Variants in COBLL1 observed in about 807,000 individuals in gnomAD.
The protein encoded by COBLL1 is cordon-bleu WH2 repeat protein like 1.
In COBLL1, 50 loss-of-function variants were observed where a neutral mutation model predicts 94.8. The observed-to-expected ratio is 0.53, with a 90% CI of 0.42 to 0.67. The LOEUF is 0.67. Among genes scored for constraint, COBLL1 ranks in the 30% least tolerant of loss-of-function variants. The pLI is 0.00. For missense variants in COBLL1, 1,362 were observed against 1,348.7 expected, an observed-to-expected ratio of 1.01 and a Z score of -0.15; for synonymous variants, 448 against 473.8, an observed-to-expected ratio of 0.95 and a Z score of 0.71.
chr2:164,711,728 T>C (rs1201199334), intron 7 of COBLL1, among the ~76,000 whole-genome samples: 2 of 152,202 alleles, frequency 1.3e-5, no homozygotes, highest in Non-Finnish European at 2.9e-5. Flanking sequence ...CCAACAAACA[T>C]TTACTTTGTT....
chr2:164,664,002 G>A (rs561689672), intron 2 of COBLL1, among the ~76,000 whole-genome samples: 250 of 152,278 alleles, frequency 1.6e-3, no homozygotes, highest in Non-Finnish European at 1.7e-3. Flanking sequence ...TTACTAAAAT[G>A]TATAATCTTA....
In COBLL1 at chr2:164,841,521, G is replaced by A. The variant is rs1375375034; in HGVS notation, c.-51+189C>T. The A allele has an allele frequency of 1.0e-6, 1 of 975,900 alleles. No individual in the cohort carries two copies. Among genetic ancestry groups the A allele is most frequent in the South Asian group, 5.0e-5 (1 of 20,020 alleles). The allele number at this position is 975,900 out of a possible 1,614,324, so 60.5% of individuals were successfully genotyped here. A position where few individuals can be genotyped will look rare whatever the true frequency, so the allele number is the denominator to read the frequency against. ...CTGGGTAGCCATTTGGCGCCTCTCG[G>A]AGGGAGAGGAGCCGCCGGGGCTGGA... On this transcript the variant is annotated intron_variant, in intron 1 of 13. Transcript: ENST00000652658. This position sits in a 1 kb window ranked among gnomAD's most constrained non-coding sequence, Gnocchi z 5.5.
At chr2:164,703,515 T>C in intron 9 of COBLL1, 1 of 403,804 alleles carries the variant, frequency 2.5e-6, no homozygotes, top group Non-Finnish European at 4.7e-6. Context: ...TTTATATTAT[T>C]CTGAGTAAAA....
At chr2:164,707,161 T>G (rs1684645772) in intron 7 of COBLL1, among the ~76,000 whole-genome samples, 1 of 152,018 alleles carries the variant, frequency 6.6e-6, no homozygotes, top group Non-Finnish European at 1.5e-5. Flanking sequence ...TTTTTTTTTT[T>G]GAAACAGAGT....
In COBLL1 at chr2:164,694,807, G is replaced by T. The variant is rs868349443; in HGVS notation, c.2585C>A (p.Ala862Asp). ...CTGCAAAAAAAAAGAGCTGGGTTTG[G>T]CCTGGGCATTTGAAGCCCGAGATTT... ...KFKSRASNAQ[A>D]KPSSFFLQMQ... is the part of the protein sequence containing the mutation. Residue 862 changes from alanine to aspartate, a missense_variant, in exon 12 of 14, where the codon GCC becomes GAC. Transcript: ENST00000652658. The T allele has an allele frequency of 1.2e-6, 2 of 1,613,810 alleles. No homozygotes were observed. The highest frequency in any genetic ancestry group is 3.3e-5 in the Admixed American group (2 of 59,930).
chr2:164,819,586 G>A (rs1227746951), intron 2 of COBLL1, among the ~76,000 whole-genome samples: 1 of 152,048 alleles, frequency 6.6e-6, no homozygotes, highest in Non-Finnish European at 1.5e-5. Flanking sequence ...AGAGATGTCA[G>A]GAAATGTGCC....
At position 164,694,954 on chromosome 2, in the gene COBLL1, C is replaced by T. The variant is rs370445667; in HGVS notation, c.2438G>A (p.Ser813Asn). Reference protein sequence around the residue: ...RTEHQVPSSVSSPDDAMVSPL... With the variant: ...RTEHQVPSSVNSPDDAMVSPL... Reference sequence around the variant, plus strand: ...ACTAACCATGGCATCATCAGGTGAGCTCACAGAACTGGGCACTTGATGCTC... The same window carrying T: ...ACTAACCATGGCATCATCAGGTGAGTTCACAGAACTGGGCACTTGATGCTC... The change falls in exon 12 of 14, where the codon AGC becomes AAC. Residue 813 changes from serine to asparagine, a missense_variant. By Grantham distance (46) the Ser-to-Asn change is conservative. Transcript: ENST00000652658. 6.2e-7 allele frequency: 1 copy of T among 1,613,864 alleles called. No homozygotes were observed. Among genetic ancestry groups the T allele is most frequent in the Admixed American group, 1.7e-5 (1 of 59,972 alleles).
intron 5 of COBLL1, chr2:164,722,931 AAAC>A (rs1428274409): frequency 1.3e-5 from 2 of 152,850 alleles, no homozygotes; most frequent in African/African-American, 4.8e-5. Flanking sequence ...TCTCACAGCT[AAAC>A]AACTATGAAA....
At chr2:164,816,646 T>C (rs1167540249) in intron 2 of COBLL1, among the ~76,000 whole-genome samples, 3 of 152,190 alleles carry the variant, frequency 2.0e-5, no homozygotes, top group Non-Finnish European at 4.4e-5. Flanking sequence ...AATATAAAAA[T>C]ATATATCTTT....
chr2:164,771,568 G>C (rs2105250873), intron 2 of COBLL1, among the ~76,000 whole-genome samples: 1 of 152,072 alleles, frequency 6.6e-6, no homozygotes, highest in Non-Finnish European at 1.5e-5. Flanking sequence ...TATGACTTGG[G>C]AGTTTCATGA....
At chr2:164,768,979 G>A (rs1688069013) in intron 2 of COBLL1, among the ~76,000 whole-genome samples, 1 of 152,266 alleles carries the variant, frequency 6.6e-6, no homozygotes, top group Middle Eastern at 3.4e-3. Context: ...AGATTAGCAA[G>A]TTCATATTAG....
chr2:164,783,836 C>A (rs1243584825), intron 2 of COBLL1, among the ~76,000 whole-genome samples: 7 of 152,060 alleles, frequency 4.6e-5, no homozygotes, highest in Non-Finnish European at 5.9e-5. Context: ...CATGGTGGTG[C>A]ATGCCTGTGG....
At chr2:164,776,244 C>T (rs901150915) in intron 2 of COBLL1, among the ~76,000 whole-genome samples, 26 of 152,096 alleles carry the variant, frequency 1.7e-4, no homozygotes, top group Non-Finnish European at 2.1e-4. Context: ...ATCTTCCAAA[C>T]GCTTCCCATG....
At position 164,730,020 on chromosome 2, in the gene COBLL1, T is replaced by C. The variant is rs1184502035; in HGVS notation, c.326A>G (p.His109Arg). The part of the protein sequence containing the change: ...TIDLLSAEQN[H>R]IKFKPNTPIG... ...TGGTGTGTTTGGCTTAAATTTAATG[T>C]GGTTCTGTTCAGCTGACAACAGATC... is the stretch of plus-strand genomic sequence containing the variant. Residue 109 changes from histidine to arginine, a missense_variant, in exon 4 of 14, where the codon CAC (histidine) becomes CGC (arginine). Transcript: ENST00000652658. 6.2e-7 allele frequency: 1 copy of C among 1,613,970 alleles called. No individual in the cohort carries two copies. The highest frequency in any genetic ancestry group is 1.3e-5 in the African/African-American group (1 of 74,944).
intron 2 of COBLL1, among the ~76,000 whole-genome samples, chr2:164,818,441 A>G (rs760775533): frequency 9.4e-5 from 14 of 149,352 alleles, no homozygotes; most frequent in Non-Finnish European, 2.1e-4. Context: ...GTATACATAT[A>G]CACATATTTA....
chr2:164,763,091 G>A (rs186351950), intron 2 of COBLL1, among the ~76,000 whole-genome samples: 81 of 152,226 alleles, frequency 5.3e-4, no homozygotes, highest in Middle Eastern at 3.4e-3. Flanking sequence ...CACAATAACA[G>A]AGTTGAGTGG....
chr2:164,735,886 T>C (rs1015492277), intron 3 of COBLL1, among the ~76,000 whole-genome samples: 4 of 152,124 alleles, frequency 2.6e-5, no homozygotes, highest in African/African-American at 9.7e-5. Flanking sequence ...CTGAGGCAAA[T>C]CATTAAAAGT....
At chr2:164,720,544 G>C (rs1685391939) in intron 7 of COBLL1, among the ~76,000 whole-genome samples, 1 of 152,058 alleles carries the variant, frequency 6.6e-6, no homozygotes, top group South Asian at 2.1e-4. Flanking sequence ...CAAAAAGGTA[G>C]CTACTCAAGA....
rs377628430 is a variant in COBLL1, at chr2:164,685,932, T to A, written c.*14A>T. Reference sequence around the variant, plus strand: ...GAAGTGGAAGTGAAGTGCAGTGGTGTGGCAGGGTAACATTTAATGGCCGTC... The same window carrying A: ...GAAGTGGAAGTGAAGTGCAGTGGTGAGGCAGGGTAACATTTAATGGCCGTC... On this transcript the variant is annotated 3_prime_UTR_variant, in exon 14 of 14. Coordinates refer to ENST00000652658, the MANE Select transcript of COBLL1 (RefSeq NM_001365672.2). 20 of 1,548,534 alleles carry A rather than the reference T, an allele frequency of 1.3e-5. No individual in the cohort carries two copies. The African/African-American group carries it at 2.0e-4, about 16-fold the overall frequency.
Sources: allele counts gnomAD v4.1 joint callset (sites outside exome capture counted in the v4.1 genomes callset), GRCh38; gene constraint gnomAD v4.1.1; non-coding constraint Gnocchi (gnomAD v3.1); transcripts MANE v1.5; gene names NCBI Gene and HGNC (gene_info 2026-07-23, HGNC 2026-07-21).